The following SMURF1 variants were observed in gnomAD, a reference collection of about 807,000 sequenced individuals.
SMURF1 encodes SMAD specific E3 ubiquitin protein ligase 1.
A neutral mutation model predicts 98.0 loss-of-function variants in SMURF1; 44 were observed. The ratio of observed to expected loss-of-function variants is 0.45; its 90% CI spans 0.35 to 0.58. The LOEUF (loss-of-function observed/expected upper bound fraction) is 0.58, where lower values mean the gene tolerates loss of function less well. Ranked by LOEUF, SMURF1 falls within the 20% of genes least tolerant of loss-of-function variation. SMURF1 has a pLI of 0.00. For missense variants in SMURF1, 687 were observed against 938.4 expected (o/e 0.73, Z 3.50); for synonymous variants, 396 against 374.9 (o/e 1.06, Z -0.65).
chr7:99,047,818 C>T lies in SMURF1; in HGVS notation c.1018G>A (p.Asp340Asn). 1 of 1,614,192 alleles carries T rather than the reference C, an allele frequency of 6.2e-7. No homozygotes were observed. The highest frequency in any genetic ancestry group is 1.7e-5 in the Admixed American group (1 of 60,026). Residue 340 changes from aspartate (D) to asparagine (N), a missense_variant, in exon 10 of 18, where the codon GAC becomes AAC. Asp to Asn is a conservative substitution (Grantham distance 23). This residue lies in a region of SMURF1 where 415 missense variants were observed against 508.4 expected (regional missense o/e 0.82). Transcript: ENST00000361368. ...TATCTCTGGGCAGGAAGCTCCTCGT[C>T]CTCCAGAGAGCCCTCACTGGGCAGT... is the stretch of plus-strand genomic sequence containing the variant. ...LPLPSEGSLEDEELPAQRYER... is the reference protein window; with the variant it reads ...LPLPSEGSLENEELPAQRYER...
intron 5 of SMURF1, among the ~76,000 whole-genome samples, chr7:99,056,364 T>C (rs1417122900): frequency 2.6e-5 from 4 of 152,062 alleles, no homozygotes; most frequent in African/African-American, 9.7e-5. Context: ...GGGTGGATAA[T>C]AGGATGAGTT....
Position 99,061,837 on chromosome 7 carries a change from A to G in SMURF1, c.56T>C (p.Val19Ala). 1.2e-6 allele frequency: 2 copies of G among 1,601,968 alleles called. No homozygotes were observed. The highest frequency in any genetic ancestry group is 2.7e-5 in the African/African-American group (2 of 74,556). Residue 19 changes from valine (V) to alanine (A), a missense_variant and splice_region_variant, in exon 2 of 18, where the codon GTG becomes GCG. This residue lies in a region of SMURF1 where 415 missense variants were observed against 508.4 expected (regional missense o/e 0.82). Coordinates refer to ENST00000361368, the MANE Select transcript of SMURF1 (RefSeq NM_181349.3). Reference protein sequence around the residue: ...NGSSIKIRLTVLCAKNLAKKD... With the variant: ...NGSSIKIRLTALCAKNLAKKD... ...CTTTGCAAGGTTCTTGGCACATAACACTAAAAACAAAGAAAAATTACTCAG... is the reference window on the plus strand; with the variant it reads ...CTTTGCAAGGTTCTTGGCACATAACGCTAAAAACAAAGAAAAATTACTCAG...
intron 1 of SMURF1, among the ~76,000 whole-genome samples, chr7:99,141,787 T>C (rs1339226563): frequency 6.6e-6 from 1 of 152,244 alleles, no homozygotes; most frequent in Non-Finnish European, 1.5e-5. Flanking sequence ...GATGACTTTA[T>C]GGCTGCGCAT....
chr7:99,066,368 C>T (rs1033568210), intron 1 of SMURF1, among the ~76,000 whole-genome samples: 3 of 152,202 alleles, frequency 2.0e-5, no homozygotes, highest in Non-Finnish European at 4.4e-5. Context: ...ATCCTGGTCA[C>T]ATGTCTCACA....
At chr7:99,038,257 G>A (rs1795230799) in intron 14 of SMURF1, 131 bp downstream of exon 14, 2 of 1,135,884 alleles carry the variant, frequency 1.8e-6, no homozygotes, top group Admixed American at 2.5e-5. Flanking sequence ...AGTCGCCTCT[G>A]TTCATGTGAT....
At chr7:99,127,362 T>A (rs886067598) in intron 1 of SMURF1, among the ~76,000 whole-genome samples, 1 of 151,950 alleles carries the variant, frequency 6.6e-6, no homozygotes, top group South Asian at 2.1e-4. Context: ...AGAGGCATTT[T>A]AAAAAAATCT....
At chr7:99,044,419 A>G (rs193048458) in intron 11 of SMURF1, among the ~76,000 whole-genome samples, 5 of 152,384 alleles carry the variant, frequency 3.3e-5, no homozygotes, top group Admixed American at 3.3e-4. Flanking sequence ...TTCATTCATA[A>G]TAATGTAAAC....
chr7:99,052,962 G>A (rs1795796583), intron 6 of SMURF1, among the ~76,000 whole-genome samples: 1 of 152,168 alleles, frequency 6.6e-6, no homozygotes. Flanking sequence ...TACTCGGGAG[G>A]CTGAGAATTG....
intron 6 of SMURF1, among the ~76,000 whole-genome samples, 192 bp downstream of exon 6, chr7:99,054,598 G>A (rs1320755010): frequency 6.6e-6 from 1 of 152,110 alleles, no homozygotes; most frequent in South Asian, 2.1e-4. Flanking sequence ...GAGCCACCAC[G>A]CCCAGCCAAC....
chr7:99,036,975 C>T (rs1035126991), intron 15 of SMURF1, 92 bp downstream of exon 15: 30 of 1,578,022 alleles, frequency 1.9e-5, no homozygotes, highest in African/African-American at 1.4e-4. Context: ...TACTAGAAAG[C>T]GGCACACACT....
At chr7:99,085,413 C>A (rs1796659904) in intron 1 of SMURF1, among the ~76,000 whole-genome samples, 1 of 151,790 alleles carries the variant, frequency 6.6e-6, no homozygotes, top group Admixed American at 6.6e-5. Context: ...TGGGAGGGAC[C>A]TCCTCAGAAG....
intron 1 of SMURF1, among the ~76,000 whole-genome samples, chr7:99,125,510 TA>T (rs112023478): frequency 2.1e-4 from 32 of 152,390 alleles, no homozygotes; most frequent in African/African-American, 6.3e-4. Context: ...AGCATTTGTG[TA>T]AACACAGTAA....
At chr7:99,099,150 AT>A (rs985487342) in intron 1 of SMURF1, among the ~76,000 whole-genome samples, 2 of 151,868 alleles carry the variant, frequency 1.3e-5, no homozygotes, top group African/African-American at 4.8e-5. Context: ...AAGGTCTTCT[AT>A]GCAATGTTAA....
intron 1 of SMURF1, among the ~76,000 whole-genome samples, chr7:99,115,642 TA>T (rs1797422379): frequency 6.6e-6 from 1 of 152,000 alleles, no homozygotes. Flanking sequence ...ATACTATGAA[TA>T]ATTGTATGCC....
chr7:99,057,607 T>G (rs1795915154), intron 3 of SMURF1, 56 bp from the exon 4 acceptor site: 7 of 1,208,862 alleles, frequency 5.8e-6, no homozygotes, highest in Admixed American at 3.4e-5. Flanking sequence ...TTTGTTTTGT[T>G]TTTTTTTTTT....
intron 7 of SMURF1, 129 bp downstream of exon 7, chr7:99,052,076 C>A: frequency 7.6e-7 from 1 of 1,308,392 alleles, no homozygotes; most frequent in Non-Finnish European, 1.0e-6. Context: ...TCAAGGCTGC[C>A]GTGAGCCATG....
chr7:99,078,100 A>G (rs997496488), intron 1 of SMURF1, among the ~76,000 whole-genome samples: 4 of 152,114 alleles, frequency 2.6e-5, no homozygotes, highest in Non-Finnish European at 5.9e-5. Context: ...GGAGTTCAAG[A>G]CCAGCCTGGC....
chr7:99,057,150 G>A, intron 5 of SMURF1, 55 bp downstream of exon 5: 1 of 1,589,512 alleles, frequency 6.3e-7, no homozygotes, highest in Non-Finnish European at 8.6e-7. Flanking sequence ...GGCGATGAAG[G>A]GTTGAATGTA....
At chr7:99,097,247 A>C (rs755030908) in intron 1 of SMURF1, among the ~76,000 whole-genome samples, 1 of 152,234 alleles carries the variant, frequency 6.6e-6, no homozygotes, top group Admixed American at 6.5e-5. Context: ...ATAAACTCTA[A>C]CTTGAGCTTC....
Sources: allele counts gnomAD v4.1 joint callset (sites outside exome capture counted in the v4.1 genomes callset), GRCh38; gene constraint gnomAD v4.1.1; regional missense constraint gnomAD v4.1.1; transcripts MANE v1.5; gene names NCBI Gene and HGNC (gene_info 2026-07-23, HGNC 2026-07-21).